Variants in GNG2 observed in about 807,000 individuals in gnomAD.
GNG2 encodes the protein G protein subunit gamma 2, also known as guanine nucleotide-binding protein G(I)/G(S)/G(O) subunit gamma-2.
In GNG2, 5 loss-of-function variants were observed where a neutral mutation model predicts 5.5. The observed-to-expected ratio is 0.91, with a 90% CI of 0.48 to 1.92. GNG2 has a LOEUF of 1.92. Ranked by LOEUF, GNG2 falls within the 30% of genes most tolerant of loss-of-function variation. GNG2 has a pLI of 0.01. For synonymous variants in GNG2, 28 were observed against 32.0 expected (o/e 0.88, Z 0.42); for missense variants, 55 against 88.4 (o/e 0.62, Z 1.52).
intron 2 of GNG2, among the ~76,000 whole-genome samples, chr14:51,930,882 C>T (rs1887619402): frequency 6.6e-6 from 1 of 152,174 alleles, no homozygotes; most frequent in African/African-American, 2.4e-5. Flanking sequence ...GCCCCACACT[C>T]TTTTAAACAA....
chr14:51,957,301 A>AT (rs1373754647), intron 3 of GNG2, among the ~76,000 whole-genome samples: 2 of 151,902 alleles, frequency 1.3e-5, no homozygotes, highest in Non-Finnish European at 1.5e-5. Context: ...ATAAAATTTG[A>AT]TTTTTTTCTC....
chr14:51,864,933 T>C (rs1397843917), intron 1 of GNG2, among the ~76,000 whole-genome samples: 1 of 152,176 alleles, frequency 6.6e-6, no homozygotes, highest in African/African-American at 2.4e-5. Flanking sequence ...TTAAAAATAA[T>C]GAATCCTCTG....
chr14:51,848,117 C>T (rs1017754319), intron 2 of GNG2, among the ~76,000 whole-genome samples: 1 of 151,968 alleles, frequency 6.6e-6, no homozygotes, highest in Non-Finnish European at 1.5e-5. Context: ...TACTCTCCTT[C>T]CCTCACATCC....
intron 3 of GNG2, among the ~76,000 whole-genome samples, chr14:51,962,846 T>A (rs1320483951): frequency 6.6e-6 from 1 of 152,152 alleles, no homozygotes; most frequent in Non-Finnish European, 1.5e-5. Flanking sequence ...TGTGACTCAT[T>A]ATAAGGCACA....
At chr14:51,847,881 C>CTTTTTTTT (rs540204195) in intron 2 of GNG2, among the ~76,000 whole-genome samples, 5 of 48,138 alleles carry the variant, frequency 1.0e-4, no homozygotes, top group African/African-American at 2.7e-4. Flanking sequence ...GGTCCTTTTT[C>CTTTTTTTT]TTTTTTTTTT....
chr14:51,959,789 C>T (rs1173450939), intron 3 of GNG2, among the ~76,000 whole-genome samples: 1 of 152,134 alleles, frequency 6.6e-6, no homozygotes, highest in African/African-American at 2.4e-5. Flanking sequence ...CCCCTCCCTA[C>T]CATCACCAAC....
At chr14:51,939,886 G>A (rs573395945) in intron 2 of GNG2, 50 of 152,344 alleles carry the variant, frequency 3.3e-4, no homozygotes, top group African/African-American at 1.2e-3. Context: ...AGAACTGAAA[G>A]AAAATCTTTC....
chr14:51,930,483 T>C (rs1248018498), intron 2 of GNG2, among the ~76,000 whole-genome samples: 1 of 152,250 alleles, frequency 6.6e-6, no homozygotes, highest in Non-Finnish European at 1.5e-5. Flanking sequence ...AAAACTCGGC[T>C]TCCTGGTCAT....
intron 2 of GNG2, among the ~76,000 whole-genome samples, chr14:51,918,037 CAA>C (rs34991244): frequency 0.18 from 16,547 of 93,802 alleles, 1,257 homozygotes; most frequent in East Asian, 0.4. Context: ...AAAAACAAAC[CAA>C]AAAAAAAAAA....
At chr14:51,944,351 T>G (rs1594945557) in intron 2 of GNG2, among the ~76,000 whole-genome samples, 1 of 152,172 alleles carries the variant, frequency 6.6e-6, no homozygotes, top group Admixed American at 6.5e-5. Context: ...GAAACGGCTG[T>G]TTTTTTGCTG....
chr14:51,841,820 G>T (rs1419872772), intron 2 of GNG2, among the ~76,000 whole-genome samples: 1 of 152,154 alleles, frequency 6.6e-6, no homozygotes, highest in Non-Finnish European at 1.5e-5. Context: ...CTTAATGACA[G>T]TTCCAGGCAA....
At chr14:51,840,454 A>T (rs1406662740) in intron 2 of GNG2, among the ~76,000 whole-genome samples, 1 of 152,136 alleles carries the variant, frequency 6.6e-6, no homozygotes, top group Non-Finnish European at 1.5e-5. Context: ...TCCACTCTGG[A>T]TGCAGTCCCC....
chr14:51,847,825 G>T (rs2140082757), intron 2 of GNG2, among the ~76,000 whole-genome samples: 1 of 144,304 alleles, frequency 6.9e-6, no homozygotes, highest in South Asian at 2.2e-4. Context: ...TTCTAATGGC[G>T]ATATTCTAAT....
chr14:51,926,302 A>G (rs995588684), intron 2 of GNG2, among the ~76,000 whole-genome samples: 12 of 152,240 alleles, frequency 7.9e-5, no homozygotes, highest in African/African-American at 2.9e-4. Context: ...TGAAGAACAA[A>G]GCAAAAAGCA....
intron 3 of GNG2, among the ~76,000 whole-genome samples, chr14:51,962,602 AAG>A (rs1424905981): frequency 2.0e-4 from 30 of 152,206 alleles, no homozygotes. Flanking sequence ...AGTAATCACA[AAG>A]AGAGAAGACT....
intron 2 of GNG2, among the ~76,000 whole-genome samples, chr14:51,922,984 G>A (rs942779027): frequency 2.0e-5 from 3 of 152,192 alleles, no homozygotes; most frequent in Non-Finnish European, 2.9e-5. Context: ...GTCTTTAAAC[G>A]TGCCAACATA....
intron 2 of GNG2, among the ~76,000 whole-genome samples, chr14:51,889,471 A>G (rs1884703331): frequency 6.6e-6 from 1 of 152,154 alleles, no homozygotes; most frequent in Admixed American, 6.6e-5. Flanking sequence ...TTCACAGTCT[A>G]ATCTGTGACT....
At chr14:51,826,337 TA>T (rs1490314901) in intron 1 of GNG2, 3 of 151,386 alleles carry the variant, frequency 2.0e-5, no homozygotes, top group African/African-American at 7.3e-5. Flanking sequence ...AAAGAAAATA[TA>T]ACAACTATTT....
chr14:51,837,717 A>G (rs1043374807), intron 2 of GNG2, among the ~76,000 whole-genome samples: 1 of 152,046 alleles, frequency 6.6e-6, no homozygotes, highest in Non-Finnish European at 1.5e-5. Context: ...TTAACTTGTT[A>G]ATGAGGGAAC....
Sources: gnomAD v4.1 joint callset for allele counts (sites outside exome capture counted in the v4.1 genomes callset) on GRCh38, gnomAD v4.1.1 for gene constraint, MANE v1.5 for transcripts, NCBI Gene and HGNC (gene_info 2026-07-23, HGNC 2026-07-21) for gene names.